Variants in GRM1 observed in about 807,000 individuals in gnomAD.
GRM1 encodes the protein metabotropic glutamate receptor 1.
A neutral mutation model predicts 90.9 loss-of-function variants in GRM1; 33 were observed. The ratio of observed to expected loss-of-function variants is 0.36; its 90% CI spans 0.28 to 0.49. The LOEUF (loss-of-function observed/expected upper bound fraction) is 0.49, where lower values mean the gene tolerates loss of function less well. Ranked by LOEUF, GRM1 falls within the 20% of genes least tolerant of loss-of-function variation. The pLI is 0.99. For missense variants in GRM1, 1,190 were observed against 1,534.3 expected (o/e 0.78, Z 3.75); for synonymous variants, 700 against 613.2 (o/e 1.14, Z -2.09).
intron 1 of GRM1, among the ~76,000 whole-genome samples, chr6:146,087,812 G>A (rs1776595222): frequency 6.6e-6 from 1 of 152,062 alleles, no homozygotes; most frequent in African/African-American, 2.4e-5. Context: ...TCCATCACAT[G>A]GATTTACAGT....
intron 2 of GRM1, among the ~76,000 whole-genome samples, chr6:146,173,659 C>T (rs1778226651): frequency 6.8e-6 from 1 of 147,104 alleles, no homozygotes; most frequent in Non-Finnish European, 1.5e-5. Context: ...TAATTTTTTT[C>T]CTGAGGTTCT....
At chr6:146,188,552 T>C (rs897639546) in intron 2 of GRM1, among the ~76,000 whole-genome samples, 2 of 152,190 alleles carry the variant, frequency 1.3e-5, no homozygotes, top group Non-Finnish European at 1.5e-5. Flanking sequence ...TACTTTTAAA[T>C]GTTAATGTCA....
chr6:146,120,121 T>C (rs1429743022), intron 1 of GRM1, among the ~76,000 whole-genome samples: 2 of 152,196 alleles, frequency 1.3e-5, no homozygotes, highest in East Asian at 3.9e-4. Context: ...TTTCATGGAG[T>C]AGTGCTTTGT....
At chr6:146,265,831 T>C (rs1781865306) in intron 2 of GRM1, among the ~76,000 whole-genome samples, 2 of 152,244 alleles carry the variant, frequency 1.3e-5, no homozygotes, top group Non-Finnish European at 2.9e-5. Flanking sequence ...TATGTGGCTT[T>C]ACTTATGGGT....
chr6:146,052,324 T>C lies in GRM1; in HGVS notation c.700+22107T>C, dbSNP rs186933878. Among the ~76,000 whole-genome samples the C allele has an allele frequency of 2.6e-3, 402 of 152,168 alleles. 4 individuals carry two copies. Among genetic ancestry groups the C allele is most frequent in the African/African-American group, 9.4e-3 (392 of 41,536 alleles). On this transcript the variant is annotated intron_variant, in intron 1 of 7. Coordinates refer to ENST00000282753, the MANE Select transcript of GRM1 (RefSeq NM_001278064.2). ...ACTTAAGTTTTTATTTTTTAATTTT[T>C]GTTTAGGGCACTGGTTGTCACTTCT...
At chr6:146,176,755 C>A (rs1261228561) in intron 2 of GRM1, among the ~76,000 whole-genome samples, 1 of 151,978 alleles carries the variant, frequency 6.6e-6, no homozygotes, top group Non-Finnish European at 1.5e-5. Context: ...AGGATTAAAT[C>A]TTTTAACGAG....
chr6:146,415,287 C>T (rs1777738290), intron 7 of GRM1, among the ~76,000 whole-genome samples: 1 of 152,096 alleles, frequency 6.6e-6, no homozygotes, highest in South Asian at 2.1e-4. Context: ...AGCCTCTACC[C>T]TCATGACCTA....
At chr6:146,183,156 T>C (rs117335908) in intron 2 of GRM1, among the ~76,000 whole-genome samples, 1 of 152,136 alleles carries the variant, frequency 6.6e-6, no homozygotes, top group African/African-American at 2.4e-5. Flanking sequence ...ATATCATCTA[T>C]CGTCTAGTCA....
chr6:146,090,172 T>C (rs965449019), intron 1 of GRM1, among the ~76,000 whole-genome samples: 1 of 152,140 alleles, frequency 6.6e-6, no homozygotes, highest in Non-Finnish European at 1.5e-5. Context: ...CCCTGTTTTT[T>C]GGTTGTTCCA....
intron 1 of GRM1, among the ~76,000 whole-genome samples, chr6:146,145,246 G>A (rs1305940471): frequency 6.6e-6 from 1 of 152,184 alleles, no homozygotes; most frequent in East Asian, 1.9e-4. Context: ...TTGTAGCTCA[G>A]CAACCATATG....
At chr6:146,330,349 T>G (rs1784544888) in intron 3 of GRM1, among the ~76,000 whole-genome samples, 1 of 152,162 alleles carries the variant, frequency 6.6e-6, no homozygotes. Flanking sequence ...TTGGTGTATT[T>G]TTAATGAGTT....
chr6:146,145,124 T>C (rs1252387430), intron 1 of GRM1, among the ~76,000 whole-genome samples: 1 of 152,118 alleles, frequency 6.6e-6, no homozygotes, highest in Non-Finnish European at 1.5e-5. Context: ...AAAAAAGGAA[T>C]GATTTAAAAA....
At chr6:146,397,035 A>C (rs532487936) in intron 6 of GRM1, among the ~76,000 whole-genome samples, 1 of 152,310 alleles carries the variant, frequency 6.6e-6, no homozygotes, top group South Asian at 2.1e-4. Flanking sequence ...CATGGGAAGG[A>C]CAGAATGCGG....
intron 3 of GRM1, among the ~76,000 whole-genome samples, chr6:146,345,558 C>T (rs1785155574): frequency 6.6e-6 from 1 of 152,160 alleles, no homozygotes; most frequent in African/African-American, 2.4e-5. Flanking sequence ...TAAATCACTG[C>T]AGCATGAAAA....
chr6:146,253,595 C>A (rs900601850), intron 2 of GRM1, among the ~76,000 whole-genome samples: 4 of 152,070 alleles, frequency 2.6e-5, no homozygotes, highest in Admixed American at 6.6e-5. Flanking sequence ...TAGGATAGAC[C>A]TTTGTTTCTT....
intron 2 of GRM1, among the ~76,000 whole-genome samples, chr6:146,212,691 G>A (rs768988270): frequency 3.9e-5 from 6 of 152,120 alleles, no homozygotes; most frequent in Non-Finnish European, 7.4e-5. Flanking sequence ...ATACATGATG[G>A]CTAAGTTCCC....
intron 3 of GRM1, among the ~76,000 whole-genome samples, chr6:146,313,045 A>G (rs1267508621): frequency 6.6e-6 from 1 of 152,212 alleles, no homozygotes; most frequent in Non-Finnish European, 1.5e-5. Context: ...CTTTTACCTT[A>G]TATTCATCTT....
At chr6:146,037,542 T>C (rs2128838985) in intron 1 of GRM1, among the ~76,000 whole-genome samples, 1 of 152,100 alleles carries the variant, frequency 6.6e-6, no homozygotes, top group East Asian at 1.9e-4. Context: ...TCCATACTAT[T>C]TAGCTCAACT....
intron 2 of GRM1, among the ~76,000 whole-genome samples, chr6:146,260,166 C>G (rs1490281231): frequency 6.6e-6 from 1 of 151,932 alleles, no homozygotes; most frequent in African/African-American, 2.4e-5. Flanking sequence ...CCTAGGCCCC[C>G]ACCCCTCAAC....
Sources: allele counts gnomAD v4.1 joint callset (sites outside exome capture counted in the v4.1 genomes callset), GRCh38; gene constraint gnomAD v4.1.1; transcripts MANE v1.5; gene names NCBI Gene and HGNC (gene_info 2026-07-23, HGNC 2026-07-21).